Variants in CNKSR3 observed in about 807,000 individuals in gnomAD.
CNKSR3 encodes CNKSR family member 3, also known as connector enhancer of kinase suppressor of ras 3.
CNKSR3 carries 36 observed loss-of-function variants against 67.7 expected under a neutral mutation model. That is an observed-to-expected ratio of 0.53 (90% confidence interval 0.41 to 0.70). CNKSR3 has a LOEUF of 0.70. Ranked by LOEUF, CNKSR3 falls within the 30% of genes least tolerant of loss-of-function variation. The pLI is 0.00. For synonymous variants in CNKSR3, 281 were observed against 271.4 expected, an observed-to-expected ratio of 1.04 and a Z score of -0.35; for missense variants, 630 against 695.2, an observed-to-expected ratio of 0.91 and a Z score of 1.05.
intron 9 of CNKSR3, among the ~76,000 whole-genome samples, chr6:154,417,433 G>A (rs1207527172): frequency 1.3e-5 from 2 of 152,150 alleles, no homozygotes; most frequent in African/African-American, 4.8e-5. Context: ...GTGGCCTCCA[G>A]CATTCTTAGT....
intron 1 of CNKSR3, among the ~76,000 whole-genome samples, chr6:154,458,059 C>G (rs1785996291): frequency 6.6e-6 from 1 of 152,206 alleles, no homozygotes; most frequent in Non-Finnish European, 1.5e-5. Context: ...GCCATGACTC[C>G]TTGGTTTACA....
chr6:154,406,747 A>C, intron 12 of CNKSR3, 95 bp from the exon 13 acceptor site: 1 of 1,083,264 alleles, frequency 9.2e-7, no homozygotes, highest in Non-Finnish European at 1.3e-6. Context: ...AGGTGGGTGG[A>C]TCACGAGGTC....
chr6:154,482,564 C>T (rs373140224), intron 1 of CNKSR3, among the ~76,000 whole-genome samples: 2 of 152,060 alleles, frequency 1.3e-5, no homozygotes, highest in South Asian at 4.2e-4. Context: ...AGACAGTATT[C>T]AATGTAAAAA....
chr6:154,473,838 G>T (rs1423933702), intron 1 of CNKSR3, among the ~76,000 whole-genome samples: 1 of 151,136 alleles, frequency 6.6e-6, no homozygotes, highest in Non-Finnish European at 1.5e-5. Context: ...AGGCTGGAGT[G>T]CAGTGGCATG....
At chr6:154,474,620 G>T (rs1007028835) in intron 1 of CNKSR3, among the ~76,000 whole-genome samples, 1 of 152,198 alleles carries the variant, frequency 6.6e-6, no homozygotes, top group African/African-American at 2.4e-5. Flanking sequence ...TAGAGTCAGA[G>T]ATGCCCTTGG....
chr6:154,495,706 A>T (rs1786863890), intron 1 of CNKSR3, among the ~76,000 whole-genome samples: 1 of 152,052 alleles, frequency 6.6e-6, no homozygotes, highest in East Asian at 1.9e-4. Context: ...GGCCACACTA[A>T]GTCACTGAGG....
chr6:154,474,649 C>A (rs1338511), intron 1 of CNKSR3, among the ~76,000 whole-genome samples: 1 of 151,958 alleles, frequency 6.6e-6, no homozygotes, highest in African/African-American at 2.4e-5. Flanking sequence ...CTGGGCCATC[C>A]GGATGTGGGG....
rs550947162 is a variant in CNKSR3, at chr6:154,421,602, A to G, written c.945+904T>C. 2.2e-4 allele frequency among the ~76,000 whole-genome samples: 34 copies of G among 152,268 alleles called. No homozygotes were observed. The South Asian group carries it at 3.7e-3, about 17-fold the overall frequency. ...ACCCAGGTGTCGGCAATAAGAGGGTATATCGTTTGAAAGGAATTTAAATAA... is the reference window on the plus strand; with the variant it reads ...ACCCAGGTGTCGGCAATAAGAGGGTGTATCGTTTGAAAGGAATTTAAATAA... On this transcript the variant is annotated intron_variant, in intron 9 of 12. Transcript: ENST00000607772.
Position 154,458,203 on chromosome 6 carries a change from G to T in CNKSR3, c.53-7945C>A, listed in dbSNP as rs556699693. 3.9e-5 allele frequency among the ~76,000 whole-genome samples: 6 copies of T among 152,252 alleles called. No homozygotes were observed. In the South Asian group the frequency reaches 1.0e-3, roughly 26 times the overall value. ...CAGGCCCTTGGTATAACTGACAGCA[G>T]CGATGAGTACAGAGTGATGATGACC... is the stretch of plus-strand genomic sequence containing the variant. On this transcript the variant is annotated intron_variant, in intron 1 of 12. Coordinates refer to ENST00000607772, the MANE Select transcript of CNKSR3 (RefSeq NM_173515.4).
In CNKSR3 at chr6:154,442,002, C is replaced by T. The variant is rs970970331; in HGVS notation, c.419+86G>A. 3.1e-5 allele frequency: 39 copies of T among 1,239,762 alleles called. No homozygotes were observed. The African/African-American group carries it at 5.8e-4, about 18-fold the overall frequency. 76.8% of individuals were successfully genotyped at this position (1,239,762 alleles called of 1,614,324 possible). The stretch of plus-strand genomic sequence containing the variant: ...AAATGATATGAAAAGAACAATGGTT[C>T]CTTTTCCTAAGACAAAGTACAGCTT... On this transcript the variant is annotated intron_variant, in intron 3 of 12. Coordinates refer to ENST00000607772, the MANE Select transcript of CNKSR3 (RefSeq NM_173515.4).
Position 154,406,499 on chromosome 6 carries a change from T to C in CNKSR3, c.1523A>G (p.Asn508Ser), listed in dbSNP as rs1387102277. 5 of 1,614,134 alleles carry C rather than the reference T, an allele frequency of 3.1e-6. No homozygotes were observed. The African/African-American group carries it at 4.0e-5, about 13-fold the overall frequency. Residue 508 changes from asparagine to serine, a missense_variant, in exon 13 of 13, where the codon AAC (asparagine) becomes AGC (serine). Coordinates refer to ENST00000607772, the MANE Select transcript of CNKSR3 (RefSeq NM_173515.4). ...DYIRGSRCYI[N>S]SDLHSSATIP... ...CGTGGCGCTGCTGTGGAGATCTGAG[T>C]TGATGTAGCACCTGCTTCCTCGGAT...
chr6:154,495,944 G>A (rs1786868777), intron 1 of CNKSR3, among the ~76,000 whole-genome samples: 1 of 152,002 alleles, frequency 6.6e-6, no homozygotes, highest in South Asian at 2.1e-4. Context: ...CAAGACACCA[G>A]CTTTCAAAGC....
At chr6:154,458,279 A>T (rs10457093) in intron 1 of CNKSR3, among the ~76,000 whole-genome samples, 480 of 152,314 alleles carry the variant, frequency 3.2e-3, no homozygotes, top group South Asian at 9.7e-3. Flanking sequence ...AATTAAGGGA[A>T]TGTGAGTTTT....
At chr6:154,458,297 T>C (rs1786001450) in intron 1 of CNKSR3, among the ~76,000 whole-genome samples, 1 of 152,188 alleles carries the variant, frequency 6.6e-6, no homozygotes, top group African/African-American at 2.4e-5. Flanking sequence ...TTTTCTTTTT[T>C]TGTTGTATTT....
At chr6:154,503,235 A>C (rs1457617884) in intron 1 of CNKSR3, among the ~76,000 whole-genome samples, 1 of 152,140 alleles carries the variant, frequency 6.6e-6, no homozygotes, top group Non-Finnish European at 1.5e-5. Context: ...CCTAGGTCCT[A>C]CTGAGGATCC....
At chr6:154,481,218 G>A (rs1554237206) in intron 1 of CNKSR3, among the ~76,000 whole-genome samples, 1 of 150,138 alleles carries the variant, frequency 6.7e-6, no homozygotes, top group Non-Finnish European at 1.5e-5. Flanking sequence ...GCAGTCTTAC[G>A]CATATTTGAT....
chr6:154,489,048 GT>G (rs962666424), intron 1 of CNKSR3, among the ~76,000 whole-genome samples: 3 of 152,012 alleles, frequency 2.0e-5, no homozygotes, highest in African/African-American at 4.8e-5. Flanking sequence ...TGGGTTTTGA[GT>G]TTTTTTTCAT....
intron 1 of CNKSR3, among the ~76,000 whole-genome samples, chr6:154,480,603 T>C (rs1209073331): frequency 1.3e-5 from 2 of 152,230 alleles, no homozygotes; most frequent in Non-Finnish European, 2.9e-5. Flanking sequence ...TTAAATCTAG[T>C]GTCTGAAGAG....
chr6:154,487,246 G>T (rs1290139804), intron 1 of CNKSR3, among the ~76,000 whole-genome samples: 1 of 152,174 alleles, frequency 6.6e-6, no homozygotes, highest in Non-Finnish European at 1.5e-5. Flanking sequence ...TGGAAGATGT[G>T]ATTTTTTTTT....
Sources: gnomAD v4.1 joint callset for allele counts (sites outside exome capture counted in the v4.1 genomes callset) on GRCh38, gnomAD v4.1.1 for gene constraint, MANE v1.5 for transcripts, NCBI Gene and HGNC (gene_info 2026-07-23, HGNC 2026-07-21) for gene names.